DIAPH1: variants seen among roughly 807,000 people sequenced by gnomAD.
DIAPH1 encodes the protein protein diaphanous homolog 1.
Under a neutral mutation model 140.7 loss-of-function variants are expected in DIAPH1, and 46 were observed. The observed-to-expected ratio is 0.33, with a 90% CI of 0.26 to 0.42. DIAPH1 has a LOEUF of 0.42. Among genes scored for constraint, DIAPH1 ranks in the 10% least tolerant of loss-of-function variants. The pLI is 1.00. For synonymous variants in DIAPH1, 565 were observed against 551.6 expected (o/e 1.02, Z -0.34); for missense variants, 1,310 against 1,558.7 (o/e 0.84, Z 2.69).
In DIAPH1 at chr5:141,574,014, AG is replaced by A; in HGVS notation, c.1835del (p.Pro612LeufsTer156). On this transcript the variant is annotated frameshift_variant, in exon 16 of 28. Coordinates refer to ENST00000389054, the MANE Select transcript of DIAPH1 (RefSeq NM_005219.5). LOFTEE classifies it high-confidence loss of function. ...AAGGAGGTGGAGGAGGAGGAGGAGG[AG>A]GAGGAGGAGGAGGAGTGGTACTATC... is the stretch of plus-strand genomic sequence containing the variant. ...PGDSTTPPPP[P>X]PPPPPPPPLP... The A allele has an allele frequency of 6.4e-7, 1 of 1,559,002 alleles. No individual in the cohort carries two copies. The highest frequency in any genetic ancestry group is 8.7e-7 in the Non-Finnish European group (1 of 1,152,222).
At position 141,577,585 on chromosome 5, in the gene DIAPH1, A is replaced by G. The variant is rs1453085440; in HGVS notation, c.1170T>C (p.Phe390=). The change falls in exon 12 of 28, where the codon TTT becomes TTC. Residue 390 remains phenylalanine (F), a synonymous_variant. Coordinates refer to ENST00000389054, the MANE Select transcript of DIAPH1 (RefSeq NM_005219.5). ...LDDIRMEMDD[F]NEVFQILLNT... is the part of the protein sequence containing the mutation. Reference sequence around the variant, plus strand: ...TTAAGAGAATCTGAAAGACTTCATTAAAGTCAGTGGAAAAGGGAAATAGGC... The same window carrying G: ...TTAAGAGAATCTGAAAGACTTCATTGAAGTCAGTGGAAAAGGGAAATAGGC... 4 of 1,603,666 alleles carry G rather than the reference A, an allele frequency of 2.5e-6. No individual in the cohort carries two copies. Among genetic ancestry groups the G allele is most frequent in the East Asian group, 2.2e-5 (1 of 44,832 alleles).
At position 141,573,854 on chromosome 5, in the gene DIAPH1, G is replaced by A. The variant is rs1343299966; in HGVS notation, c.1996C>T (p.Pro666Ser). 2.0e-6 allele frequency: 3 copies of A among 1,532,344 alleles called. No individual in the cohort carries two copies. The South Asian group carries it at 3.8e-5, about 20-fold the overall frequency. The allele number at this position is 1,532,344 out of a possible 1,614,324, so 94.9% of individuals were successfully genotyped here. ...PLPEGVGIPS[P>S]SSLPGGTAIP... is the part of the protein sequence containing the mutation. ...GCAGTACCTCCAGGCAAAGAAGAGG[G>A]TGAAGGGATGCCAACACCCTCAGGC... Residue 666 changes from proline (P) to serine (S), a missense_variant, in exon 16 of 28, where the codon CCC becomes TCC. Physicochemically the swap from Pro to Ser is moderately conservative, Grantham distance 74. Around this residue, in one of 3 missense-constraint regions of DIAPH1, gnomAD observed 589 missense variants for 549.3 expected, o/e 1.07. Coordinates refer to ENST00000389054, the MANE Select transcript of DIAPH1 (RefSeq NM_005219.5).
chr5:141,526,204 T>G, intron 25 of DIAPH1, 31 bp from the exon 26 acceptor site: 2 of 1,614,004 alleles, frequency 1.2e-6, no homozygotes, highest in Non-Finnish European at 1.7e-6. Flanking sequence ...AAGGAACACA[T>G]GGGCATTGTA....
At chr5:141,530,061 G>A (rs1401713025) in intron 19 of DIAPH1, among the ~76,000 whole-genome samples, 1 of 152,152 alleles carries the variant, frequency 6.6e-6, no homozygotes, top group African/African-American at 2.4e-5. Context: ...TCCAGCCTGA[G>A]CAACAGAGCG....
intron 24 of DIAPH1, among the ~76,000 whole-genome samples, chr5:141,527,275 C>G (rs1415821956): frequency 6.6e-6 from 1 of 151,958 alleles, no homozygotes; most frequent in Non-Finnish European, 1.5e-5. Context: ...TTTAGCAGGG[C>G]CTGGTGGCAC....
At chr5:141,609,548 A>G (rs561370599) in intron 1 of DIAPH1, among the ~76,000 whole-genome samples, 1 of 152,352 alleles carries the variant, frequency 6.6e-6, no homozygotes, top group African/African-American at 2.4e-5. Context: ...AATGGGAATA[A>G]TAACAGTACC....
At position 141,515,677 on chromosome 5, in the gene DIAPH1, A is replaced by C. The variant is rs1263752568; in HGVS notation, c.*1174T>G. On this transcript the variant is annotated 3_prime_UTR_variant, in exon 28 of 28. Transcript: ENST00000389054. ...TTGATACATTTATACATTTATAAAA[A>C]ACTCTGTGGTCTTAGAGTTCCTGCT... 3 of 152,224 alleles carry C rather than the reference A, an allele frequency of 2.0e-5. No individual in the cohort carries two copies. The highest frequency in any genetic ancestry group is 4.4e-5 in the Non-Finnish European group (3 of 68,046). The allele number at this position is 152,224 out of a possible 1,614,324, so 9.4% of individuals were successfully genotyped here. A position where few individuals can be genotyped will look rare whatever the true frequency, so the allele number is the denominator to read the frequency against.
intron 19 of DIAPH1, among the ~76,000 whole-genome samples, chr5:141,530,187 A>G (rs1390215246): frequency 6.6e-6 from 1 of 152,126 alleles, no homozygotes. Flanking sequence ...ACCATATCCT[A>G]TTCCCTAACA....
At position 141,528,578 on chromosome 5, in the gene DIAPH1, C is replaced by T. The variant is rs1006618137; in HGVS notation, c.3023G>A (p.Arg1008Gln). ...GFNISFLCKL[R>Q]DTKSTDQKMT... ...CTTCTGATCTGTGGACTTGGTGTCTCGAAGCTTAGAGAAAGAGGAGAAACT... is the reference window on the plus strand; with the variant it reads ...CTTCTGATCTGTGGACTTGGTGTCTTGAAGCTTAGAGAAAGAGGAGAAACT... The change falls in exon 23 of 28, where the codon CGA becomes CAA. Residue 1008 changes from arginine to glutamine, a missense_variant. Coordinates refer to ENST00000389054, the MANE Select transcript of DIAPH1 (RefSeq NM_005219.5). 6.2e-6 allele frequency: 10 copies of T among 1,614,024 alleles called. No individual in the cohort carries two copies. The highest frequency in any genetic ancestry group is 3.3e-5 in the South Asian group (3 of 91,078).
intron 18 of DIAPH1, among the ~76,000 whole-genome samples, chr5:141,535,163 T>C (rs2099888824): frequency 6.6e-6 from 1 of 152,166 alleles, no homozygotes; most frequent in African/African-American, 2.4e-5. Flanking sequence ...TTGCCCAGGC[T>C]GGCCTCAAAC....
At chr5:141,589,910 T>C (rs2099898135) in intron 1 of DIAPH1, among the ~76,000 whole-genome samples, 1 of 152,128 alleles carries the variant, frequency 6.6e-6, no homozygotes, top group Non-Finnish European at 1.5e-5. Context: ...TAGACGAGTA[T>C]AGTAAATCTT....
intron 1 of DIAPH1, among the ~76,000 whole-genome samples, chr5:141,618,116 G>A (rs1340573402): frequency 6.6e-6 from 1 of 152,246 alleles, no homozygotes; most frequent in Non-Finnish European, 1.5e-5. Flanking sequence ...GGCAAAGAGA[G>A]AGGTTCTCTG....
Position 141,576,795 on chromosome 5 carries a change from T to G in DIAPH1, c.1357A>C (p.Lys453Gln), listed in dbSNP as rs1198464334. 1 of 1,614,006 alleles carries G rather than the reference T, an allele frequency of 6.2e-7. No individual in the cohort carries two copies. Among genetic ancestry groups the G allele is most frequent in the East Asian group, 2.2e-5 (1 of 44,874 alleles). Residue 453 changes from lysine to glutamine, a missense_variant, in exon 13 of 28, where the codon AAG becomes CAG. Physicochemically the swap from Lys to Gln is moderately conservative, Grantham distance 53 (BLOSUM62 1). Transcript: ENST00000389054. ...ATCTCAATCTGGAGGTGCCGGCACT[T>G]GAAGTCAGGATCAGCCCCGTTCTTG... ...LHKNGADPDF[K>Q]CRHLQIEIEG...
At chr5:141,614,842 C>A (rs1441714865) in intron 1 of DIAPH1, among the ~76,000 whole-genome samples, 2 of 151,162 alleles carry the variant, frequency 1.3e-5, no homozygotes, top group African/African-American at 4.9e-5. Context: ...GTACAAAGCG[C>A]TCTGTATATT....
chr5:141,566,231 G>C (rs1407141355), intron 18 of DIAPH1, among the ~76,000 whole-genome samples: 1 of 152,176 alleles, frequency 6.6e-6, no homozygotes, highest in African/African-American at 2.4e-5. Flanking sequence ...GAATGGTTGA[G>C]GTAGGATAGA....
At chr5:141,594,472 T>C (rs1176877645) in intron 1 of DIAPH1, among the ~76,000 whole-genome samples, 3 of 152,142 alleles carry the variant, frequency 2.0e-5, no homozygotes, top group African/African-American at 4.8e-5. Flanking sequence ...CCGGGCGCGG[T>C]AGCTCACACC....
chr5:141,560,055 T>A (rs1322853174), intron 18 of DIAPH1, among the ~76,000 whole-genome samples: 1 of 152,218 alleles, frequency 6.6e-6, no homozygotes, highest in Admixed American at 6.5e-5. Context: ...GATGACTTTT[T>A]AAAAAATGCC....
chr5:141,526,177 G>A lies in DIAPH1; in HGVS notation c.3439-4C>T. On this transcript the variant is annotated splice_polypyrimidine_tract_variant and splice_region_variant and intron_variant, in intron 25 of 27. Coordinates refer to ENST00000389054, the MANE Select transcript of DIAPH1 (RefSeq NM_005219.5). ...TCTGGTTCTCCTTGACTGCTTGCTGGGGCAGGGAAGAGGAGGAAGGAACAC... is the reference window on the plus strand; with the variant it reads ...TCTGGTTCTCCTTGACTGCTTGCTGAGGCAGGGAAGAGGAGGAAGGAACAC... The A allele has an allele frequency of 6.2e-7, 1 of 1,613,974 alleles. No homozygotes were observed.
chr5:141,521,555 C>G (rs2099886545), intron 27 of DIAPH1, among the ~76,000 whole-genome samples: 1 of 152,214 alleles, frequency 6.6e-6, no homozygotes, highest in African/African-American at 2.4e-5. Flanking sequence ...GTCACTCCCC[C>G]AGGTCTCCAG....
Sources: gnomAD v4.1 joint callset for allele counts (sites outside exome capture counted in the v4.1 genomes callset) on GRCh38, gnomAD v4.1.1 for gene constraint, gnomAD v4.1.1 regional missense constraint, MANE v1.5 for transcripts, NCBI Gene and HGNC (gene_info 2026-07-23, HGNC 2026-07-21) for gene names.